Variants in PHF24 observed in about 807,000 individuals in gnomAD.
PHF24 encodes the protein PHD finger protein 24.
A neutral mutation model predicts 42.6 loss-of-function variants in PHF24; 25 were observed. The observed-to-expected ratio is 0.59, with a 90% CI of 0.43 to 0.82. The LOEUF (loss-of-function observed/expected upper bound fraction) is 0.82. Among genes scored for constraint, PHF24 ranks in the 40% least tolerant of loss-of-function variants. The pLI is 0.00. For missense variants in PHF24, 470 were observed against 538.1 expected, an observed-to-expected ratio of 0.87 and a Z score of 1.25; for synonymous variants, 185 against 204.8, an observed-to-expected ratio of 0.90 and a Z score of 0.83.
chr9:34,836,647 T>C, the PHF24 span, among the ~76,000 whole-genome samples: 1 of 152,164 alleles, frequency 6.6e-6, no homozygotes, highest in Non-Finnish European at 1.5e-5. Context: ...ACTCCTTGAA[T>C]ACAGAACTAA....
the PHF24 span, among the ~76,000 whole-genome samples, chr9:34,677,611 G>A: frequency 4.6e-5 from 7 of 151,886 alleles, no homozygotes; most frequent in Non-Finnish European, 1.0e-4. Context: ...TTAGAAAGAG[G>A]ATGTTCTCGA....
At chr9:34,921,261 A>G in the PHF24 span, among the ~76,000 whole-genome samples, 5 of 151,690 alleles carry the variant, frequency 3.3e-5, no homozygotes, top group Admixed American at 6.6e-5. Context: ...TGAATTGTTC[A>G]TGAAAATTTC....
the PHF24 span, among the ~76,000 whole-genome samples, chr9:34,798,652 T>A: frequency 6.6e-6 from 1 of 152,218 alleles, no homozygotes; most frequent in African/African-American, 2.4e-5. Context: ...TCTTTGTTAT[T>A]GTGAATCGTG....
the PHF24 span, chr9:34,837,212 C>T: frequency 6.7e-6 from 3 of 447,106 alleles, no homozygotes; most frequent in Non-Finnish European, 4.6e-6. Flanking sequence ...GCCTTTGACT[C>T]TCAGCAAGAA....
Position 34,958,326 on chromosome 9 carries a change from T to G in PHF24, c.-80T>G, listed in dbSNP as rs1826460502. 3 of 151,402 alleles carry G rather than the reference T, an allele frequency of 2.0e-5. No individual in the cohort carries two copies. Among genetic ancestry groups the G allele is most frequent in the African/African-American group, 7.3e-5 (3 of 41,276 alleles). The allele number at this position is 151,402 out of a possible 1,614,324, so 9.4% of individuals were successfully genotyped here. On this transcript the variant is annotated 5_prime_UTR_variant, in exon 1 of 8. Transcript: ENST00000242315. The surrounding 1 kb of genome is among the most constrained non-coding windows in gnomAD (Gnocchi z 4.5). ...CGGCCCAGCACGCCGGCTCTCGGGC[T>G]GCCGTGGGCTGCGCGGGGCCCGCGG...
the PHF24 span, chr9:34,835,219 A>C: frequency 6.4e-7 from 1 of 1,552,168 alleles, no homozygotes; most frequent in South Asian, 1.2e-5. Flanking sequence ...CCACACATGA[A>C]CACCAGGTCT....
the PHF24 span, chr9:34,691,082 C>T: frequency 6.2e-7 from 1 of 1,603,784 alleles, no homozygotes; most frequent in South Asian, 1.1e-5. Flanking sequence ...ACTCTCCCTT[C>T]AGCCTTACCT....
chr9:34,920,530 C>A, the PHF24 span, among the ~76,000 whole-genome samples: 1 of 151,950 alleles, frequency 6.6e-6, no homozygotes, highest in Non-Finnish European at 1.5e-5. Context: ...TTTTCTATTT[C>A]TTTAAAGAAT....
chr9:34,902,485 CA>C, the PHF24 span, among the ~76,000 whole-genome samples: 1 of 151,936 alleles, frequency 6.6e-6, no homozygotes, highest in Non-Finnish European at 1.5e-5. Context: ...CCCATCTCTA[CA>C]AAAAATTATA....
the PHF24 span, among the ~76,000 whole-genome samples, chr9:34,738,349 T>A: frequency 0.98 from 148,979 of 151,880 alleles, 73,123 homozygotes; most frequent in East Asian, 1. Flanking sequence ...GACTTTTTAA[T>A]TTTTTTTTTT....
chr9:34,967,793 C>T (rs1481435498), intron 1 of PHF24, among the ~76,000 whole-genome samples: 2 of 152,212 alleles, frequency 1.3e-5, no homozygotes, highest in East Asian at 3.8e-4. Context: ...TCTCCATCCC[C>T]ACCCCACCCT....
the PHF24 span, among the ~76,000 whole-genome samples, chr9:34,734,380 A>C: frequency 6.6e-6 from 1 of 152,232 alleles, no homozygotes; most frequent in Admixed American, 6.5e-5. Context: ...CACGAACCTT[A>C]GTGTGTATTC....
chr9:34,723,228 G>A, the PHF24 span: 1 of 1,550,634 alleles, frequency 6.4e-7, no homozygotes, highest in Non-Finnish European at 8.7e-7. Flanking sequence ...GTGAGGGTCA[G>A]GAGCTAGGTT....
chr9:34,925,194 C>G, the PHF24 span, among the ~76,000 whole-genome samples: 3 of 152,184 alleles, frequency 2.0e-5, no homozygotes, highest in Admixed American at 6.5e-5. Flanking sequence ...ACTCCTCACT[C>G]ACCTGGCTTG....
the PHF24 span, chr9:34,837,671 C>T: frequency 1.3e-6 from 2 of 1,523,316 alleles, no homozygotes; most frequent in Non-Finnish European, 1.8e-6. Context: ...TGCTGCATCT[C>T]TAGCTCTTTG....
chr9:34,949,520 A>C, the PHF24 span, among the ~76,000 whole-genome samples: 1 of 152,190 alleles, frequency 6.6e-6, no homozygotes, highest in Non-Finnish European at 1.5e-5. Context: ...AAGGATTATA[A>C]ATCATTCTAC....
At chr9:34,921,652 G>A in the PHF24 span, among the ~76,000 whole-genome samples, 1 of 152,196 alleles carries the variant, frequency 6.6e-6, no homozygotes, top group South Asian at 2.1e-4. Context: ...GAACACTTCT[G>A]CAGCTATAGT....
At chr9:34,959,516 A>G (rs548870164) in intron 1 of PHF24, among the ~76,000 whole-genome samples, 2 of 152,324 alleles carry the variant, frequency 1.3e-5, no homozygotes, top group East Asian at 3.9e-4. Context: ...GAAAGAATAG[A>G]TATTTGTTAA....
the PHF24 span, among the ~76,000 whole-genome samples, chr9:34,672,825 G>T: frequency 6.6e-6 from 1 of 151,550 alleles, no homozygotes; most frequent in East Asian, 1.9e-4. Context: ...ATATTTTTAA[G>T]AGACGAAGTC....
Sources: allele counts gnomAD v4.1 joint callset (sites outside exome capture counted in the v4.1 genomes callset), GRCh38; gene constraint gnomAD v4.1.1; non-coding constraint Gnocchi (gnomAD v3.1); transcripts MANE v1.5; gene names NCBI Gene and HGNC (gene_info 2026-07-23, HGNC 2026-07-21).